Variants in PPP1R42 observed in about 807,000 individuals in gnomAD.
PPP1R42 encodes the protein leucine rich repeat containing 67.
Under a neutral mutation model 31.0 loss-of-function variants are expected in PPP1R42, and 34 were observed. The ratio of observed to expected loss-of-function variants is 1.10; its 90% CI spans 0.83 to 1.46. The LOEUF is 1.46. Ranked by LOEUF, PPP1R42 falls within the 40% of genes most tolerant of loss-of-function variation. The pLI is 0.00. For missense variants in PPP1R42, 268 were observed against 303.0 expected (o/e 0.88, Z 0.86); for synonymous variants, 103 against 109.8 (o/e 0.94, Z 0.39).
chr8:67,010,973 A>C (rs550428572), intron 4 of PPP1R42, 142 bp from the exon 5 acceptor site: 25 of 733,588 alleles, frequency 3.4e-5, no homozygotes, highest in Non-Finnish European at 4.7e-5. Flanking sequence ...AAAGCCATGA[A>C]ATTCTTTTTA....
intron 7 of PPP1R42, chr8:66,970,784 T>TC: frequency 5.2e-6 from 3 of 580,146 alleles, no homozygotes; most frequent in South Asian, 4.6e-5. Flanking sequence ...AAACACCCCT[T>TC]CCCATCGTAA....
chr8:67,016,607 C>G (rs1816023726), intron 2 of PPP1R42, among the ~76,000 whole-genome samples: 1 of 152,164 alleles, frequency 6.6e-6, no homozygotes. Context: ...CTGTTAAACT[C>G]TTTTTTTCTT....
chr8:66,986,336 G>C, intron 6 of PPP1R42: 2 of 528,226 alleles, frequency 3.8e-6, no homozygotes, highest in South Asian at 2.9e-5. Flanking sequence ...AGCTCATCCA[G>C]CTCCCTCTTA....
At chr8:67,016,675 G>A (rs1178320831) in intron 2 of PPP1R42, among the ~76,000 whole-genome samples, 3 of 152,046 alleles carry the variant, frequency 2.0e-5, no homozygotes, top group Non-Finnish European at 2.9e-5. Flanking sequence ...TTTTGGTTAC[G>A]TGGATAGGTT....
At chr8:66,982,550 G>A (rs1338241773) in intron 6 of PPP1R42, among the ~76,000 whole-genome samples, 1 of 151,650 alleles carries the variant, frequency 6.6e-6, no homozygotes, top group Admixed American at 6.6e-5. Context: ...CTGCCCCCTG[G>A]GGCTCAAGTG....
At position 66,988,503 on chromosome 8, in the gene PPP1R42, TA is replaced by T. The variant is rs1391161673; in HGVS notation, c.566del (p.Leu189TyrfsTer2). The T allele has an allele frequency of 3.1e-6, 5 of 1,605,610 alleles. No homozygotes were observed. Among genetic ancestry groups the T allele is most frequent in the Non-Finnish European group, 4.2e-6 (5 of 1,177,460 alleles). ...QLLHVKDLEF[L>X]LNKLMKLWKI... ...TCCACAGCTTCATCAACTTGTTCAG[TA>T]AAAACTCCAAATCCTATAATTAGAG... On this transcript the variant is annotated frameshift_variant, in exon 6 of 8. Transcript: ENST00000685739. LOFTEE classifies it high-confidence loss of function.
At chr8:67,016,145 C>T (rs1231789208) in intron 2 of PPP1R42, among the ~76,000 whole-genome samples, 2 of 152,052 alleles carry the variant, frequency 1.3e-5, no homozygotes, top group Admixed American at 1.3e-4. Flanking sequence ...CACCAGGAAA[C>T]CAGAAAGGGA....
In PPP1R42 at chr8:67,015,550, A is replaced by G. The variant is rs536890849; in HGVS notation, c.130-958T>C. Among the ~76,000 whole-genome samples, 28 of 152,130 alleles carry G rather than the reference A, an allele frequency of 1.8e-4. No individual in the cohort carries two copies. The East Asian group carries it at 3.7e-3, about 20-fold the overall frequency. The stretch of plus-strand genomic sequence containing the variant: ...AAAGTGATTGTGTCTGAATAGGATT[A>G]CATTCTTTCTTATTATATGTATATT... On this transcript the variant is annotated intron_variant, in intron 2 of 7. Transcript: ENST00000685739.
chr8:67,016,187 A>C (rs551757394), intron 2 of PPP1R42, among the ~76,000 whole-genome samples: 1 of 152,296 alleles, frequency 6.6e-6, no homozygotes, highest in East Asian at 1.9e-4. Context: ...GGGTCCCTAC[A>C]AAAAAACCAA....
At chr8:66,985,930 A>T (rs1357795571) in intron 6 of PPP1R42, 1 of 817,088 alleles carries the variant, frequency 1.2e-6, no homozygotes, top group Non-Finnish European at 2.1e-6. Flanking sequence ...TGGAGAGCTC[A>T]AGAGTCATCA....
At chr8:66,968,581 C>A (rs558446363) in intron 7 of PPP1R42, 1,035 of 671,410 alleles carry the variant, frequency 1.5e-3, no homozygotes, top group Non-Finnish European at 1.8e-3. Context: ...AAAATCTGTT[C>A]TTTGTGTTTA....
chr8:66,995,406 A>C (rs1815307981), intron 5 of PPP1R42, among the ~76,000 whole-genome samples: 1 of 152,208 alleles, frequency 6.6e-6, no homozygotes, highest in Non-Finnish European at 1.5e-5. Flanking sequence ...TTAAGATTTT[A>C]TTCTTACTCC....
chr8:66,975,210 T>C (rs1814635338), intron 7 of PPP1R42, among the ~76,000 whole-genome samples: 1 of 152,250 alleles, frequency 6.6e-6, no homozygotes, highest in Admixed American at 6.5e-5. Flanking sequence ...TTCATCAATG[T>C]TTTGTCGTTT....
chr8:66,976,808 T>C (rs1438495541), intron 7 of PPP1R42, among the ~76,000 whole-genome samples: 1 of 152,178 alleles, frequency 6.6e-6, no homozygotes, highest in Admixed American at 6.5e-5. Context: ...CATTCATCTG[T>C]TGGACACTTA....
intron 6 of PPP1R42, chr8:66,984,612 C>G: frequency 2.5e-6 from 3 of 1,208,030 alleles, no homozygotes; most frequent in Non-Finnish European, 3.7e-6. Flanking sequence ...ACGTGTACCC[C>G]CTGTGAAATG....
rs545378661 is a variant in PPP1R42, at chr8:67,025,715, G to A, written c.-85+2776C>T. ...ATACTTGCATACTAAGTTAGAAAAA[G>A]GACAGTAGGCCGGGTGCGGTGGCTC... On this transcript the variant is annotated intron_variant, in intron 1 of 7. Transcript: ENST00000685739. Among the ~76,000 whole-genome samples, 194 of 152,178 alleles carry A rather than the reference G, an allele frequency of 1.3e-3. 1 individual carries two copies. The highest frequency in any genetic ancestry group is 4.3e-3 in the African/African-American group (180 of 41,522).
At chr8:66,997,700 C>G (rs535631286) in intron 5 of PPP1R42, among the ~76,000 whole-genome samples, 1 of 151,792 alleles carries the variant, frequency 6.6e-6, no homozygotes, top group South Asian at 2.1e-4. Context: ...GCCACCATTC[C>G]CAGCTAATTT....
At chr8:67,025,734 G>C (rs1470113825) in intron 1 of PPP1R42, among the ~76,000 whole-genome samples, 1 of 152,170 alleles carries the variant, frequency 6.6e-6, no homozygotes, top group Admixed American at 6.5e-5. Context: ...GCCGGGTGCG[G>C]TGGCTCATGC....
chr8:66,980,537 G>A (rs535107536), intron 7 of PPP1R42, among the ~76,000 whole-genome samples: 49 of 152,094 alleles, frequency 3.2e-4, no homozygotes, highest in Admixed American at 2.3e-3. Flanking sequence ...CCCGTAGTTC[G>A]TATTCAGTGA....
Sources: gnomAD v4.1 joint callset for allele counts (sites outside exome capture counted in the v4.1 genomes callset) on GRCh38, gnomAD v4.1.1 for gene constraint, MANE v1.5 for transcripts, NCBI Gene and HGNC (gene_info 2026-07-23, HGNC 2026-07-21) for gene names.